Variants in CA10 observed in about 807,000 individuals in gnomAD.
CA10 encodes the protein carbonic anhydrase-related protein 10.
In CA10, 14 loss-of-function variants were observed where a neutral mutation model predicts 44.2. That is an observed-to-expected ratio of 0.32 (90% CI 0.21 to 0.50). The LOEUF (loss-of-function observed/expected upper bound fraction) is 0.50, where lower values mean the gene tolerates loss of function less well. Ranked by LOEUF, CA10 falls within the 20% of genes least tolerant of loss-of-function variation. CA10 has a pLI of 0.99. For missense variants in CA10, 350 were observed against 409.7 expected, an observed-to-expected ratio of 0.85 and a Z score of 1.26; for synonymous variants, 159 against 141.6, an observed-to-expected ratio of 1.12 and a Z score of -0.87.
chr17:51,928,472 T>C (rs992756807), intron 3 of CA10, among the ~76,000 whole-genome samples: 1 of 152,096 alleles, frequency 6.6e-6, no homozygotes, highest in Admixed American at 6.6e-5. Flanking sequence ...CAATGTCAGG[T>C]CAAATATGTT....
intron 2 of CA10, among the ~76,000 whole-genome samples, chr17:52,011,341 A>G (rs1985789594): frequency 6.6e-6 from 1 of 151,994 alleles, no homozygotes; most frequent in African/African-American, 2.4e-5. Flanking sequence ...GATCAGGTAA[A>G]TGAAGTTTGT....
Position 51,901,164 on chromosome 17 carries a change from T to C in CA10, c.279+29826A>G, listed in dbSNP as rs72834205. On this transcript the variant is annotated intron_variant, in intron 3 of 8. Transcript: ENST00000451037. ...CTGATGTTCCTTTTTATATTTGATG[T>C]TACTGTCCTTTGGATGGATTTCATT... Among the ~76,000 whole-genome samples, 992 of 152,244 alleles carry C rather than the reference T, an allele frequency of 6.5e-3. 4 individuals are homozygous for C. Among genetic ancestry groups the C allele is most frequent in the Non-Finnish European group, 0.011 (737 of 68,008 alleles).
chr17:51,970,482 AT>A (rs1287515827), intron 2 of CA10, among the ~76,000 whole-genome samples: 6 of 152,102 alleles, frequency 3.9e-5, no homozygotes, highest in African/African-American at 7.2e-5. Flanking sequence ...TTTAAATTTT[AT>A]TCTATATAGC....
intron 1 of CA10, among the ~76,000 whole-genome samples, chr17:52,119,185 T>A (rs1158690223): frequency 1.3e-5 from 2 of 152,242 alleles, no homozygotes; most frequent in Admixed American, 1.3e-4. Context: ...TGTTTCTCTT[T>A]GCCTGGTTTC....
chr17:51,673,790 C>T (rs1395428912), intron 4 of CA10, among the ~76,000 whole-genome samples: 1 of 152,216 alleles, frequency 6.6e-6, no homozygotes, highest in Non-Finnish European at 1.5e-5. Flanking sequence ...CACCTTAGTT[C>T]CCTATGGGAA....
chr17:51,764,304 C>G (rs1905294009), intron 3 of CA10, among the ~76,000 whole-genome samples: 1 of 152,190 alleles, frequency 6.6e-6, no homozygotes, highest in Non-Finnish European at 1.5e-5. Flanking sequence ...TCCTCAAAGT[C>G]CTTTGAAACC....
chr17:52,082,648 AATGTT>A (rs916960189), intron 1 of CA10, among the ~76,000 whole-genome samples: 1 of 152,204 alleles, frequency 6.6e-6, no homozygotes, highest in Non-Finnish European at 1.5e-5. Context: ...CTTTGTAAAA[AATGTT>A]ATAACAATCT....
chr17:51,687,897 G>C (rs916260549), intron 4 of CA10, among the ~76,000 whole-genome samples: 7 of 152,148 alleles, frequency 4.6e-5, no homozygotes, highest in African/African-American at 1.7e-4. Flanking sequence ...AATGATTCTT[G>C]CCACCTGATA....
intron 3 of CA10, among the ~76,000 whole-genome samples, chr17:51,841,712 C>T (rs1011378582): frequency 1.3e-5 from 2 of 152,136 alleles, no homozygotes; most frequent in South Asian, 2.1e-4. Flanking sequence ...TTTTTCAAAC[C>T]GCTTTGGCAA....
intron 2 of CA10, among the ~76,000 whole-genome samples, chr17:52,056,397 C>T (rs912799353): frequency 1.3e-5 from 2 of 151,902 alleles, no homozygotes; most frequent in African/African-American, 4.8e-5. Context: ...AGAAAGAAGC[C>T]CCCTAACCTC....
chr17:51,881,429 T>A (rs1980371193), intron 3 of CA10, among the ~76,000 whole-genome samples: 1 of 152,082 alleles, frequency 6.6e-6, no homozygotes, highest in South Asian at 2.1e-4. Flanking sequence ...TCATGTATTT[T>A]GTATTTTAAA....
chr17:51,999,407 T>C (rs140386004), intron 2 of CA10, among the ~76,000 whole-genome samples: 8 of 152,180 alleles, frequency 5.3e-5, no homozygotes, highest in Non-Finnish European at 1.0e-4. Flanking sequence ...TCCGAGTTAG[T>C]GTGGGCCACA....
intron 2 of CA10, among the ~76,000 whole-genome samples, chr17:52,030,650 T>C (rs1348250769): frequency 6.6e-6 from 1 of 152,142 alleles, no homozygotes; most frequent in Non-Finnish European, 1.5e-5. Flanking sequence ...GAGATTAGCA[T>C]GTGGGTCTGA....
At chr17:52,090,386 A>T (rs1162869228) in intron 1 of CA10, among the ~76,000 whole-genome samples, 1 of 152,140 alleles carries the variant, frequency 6.6e-6, no homozygotes, top group East Asian at 1.9e-4. Context: ...ATAATAACTA[A>T]TATGATGAGG....
At chr17:51,820,187 C>G (rs113014244) in intron 3 of CA10, among the ~76,000 whole-genome samples, 496 of 13,516 alleles carry the variant, frequency 0.037, 26 homozygotes, top group African/African-American at 0.054. Flanking sequence ...TGAGCGCCGC[C>G]CCCCCCCCCC....
intron 3 of CA10, among the ~76,000 whole-genome samples, chr17:51,830,920 G>A (rs1908216255): frequency 6.6e-6 from 1 of 152,172 alleles, no homozygotes; most frequent in African/African-American, 2.4e-5. Context: ...CCACAGGCCT[G>A]AACTTGGGTT....
chr17:51,671,594 C>T (rs112710245), intron 4 of CA10, among the ~76,000 whole-genome samples: 249 of 152,026 alleles, frequency 1.6e-3, no homozygotes, highest in African/African-American at 5.8e-3. Flanking sequence ...TTAGTAAAGA[C>T]GTGATTTCAC....
intron 4 of CA10, among the ~76,000 whole-genome samples, chr17:51,712,937 C>T (rs1915990139): frequency 6.6e-6 from 1 of 152,204 alleles, no homozygotes; most frequent in Non-Finnish European, 1.5e-5. Flanking sequence ...CACACAGCTG[C>T]AAGAACTCTG....
At chr17:52,024,682 T>C (rs1986245800) in intron 2 of CA10, among the ~76,000 whole-genome samples, 1 of 152,098 alleles carries the variant, frequency 6.6e-6, no homozygotes, top group Non-Finnish European at 1.5e-5. Context: ...GGCCTCCCTC[T>C]AAAAGCAGAT....
Sources: allele counts gnomAD v4.1 joint callset (sites outside exome capture counted in the v4.1 genomes callset), GRCh38; gene constraint gnomAD v4.1.1; transcripts MANE v1.5; gene names NCBI Gene and HGNC (gene_info 2026-07-23, HGNC 2026-07-21).